Variants in ERC2 observed in about 807,000 individuals in gnomAD.
ERC2 encodes ELKS/RAB6-interacting/CAST family member 2.
A neutral mutation model predicts 114.8 loss-of-function variants in ERC2; 42 were observed. That is an observed-to-expected ratio of 0.37 (90% CI 0.29 to 0.47). The LOEUF (loss-of-function observed/expected upper bound fraction) is 0.47, where lower values mean the gene tolerates loss of function less well. ERC2 is among the 20% of genes least tolerant of loss of function. The pLI, the probability that ERC2 is intolerant of heterozygous loss-of-function variation, is 0.99. For missense variants in ERC2, 939 were observed against 1,150.7 expected (o/e 0.82, Z 2.66); for synonymous variants, 454 against 425.5 (o/e 1.07, Z -0.82).
At chr3:56,084,628 T>G (rs1207563793) in intron 6 of ERC2, among the ~76,000 whole-genome samples, 1 of 152,160 alleles carries the variant, frequency 6.6e-6, no homozygotes, top group Non-Finnish European at 1.5e-5. Flanking sequence ...CTGCATGTTC[T>G]CACTTCTAAG....
chr3:56,154,811 G>A (rs534805218), intron 4 of ERC2, among the ~76,000 whole-genome samples: 8 of 152,090 alleles, frequency 5.3e-5, no homozygotes, highest in Non-Finnish European at 1.2e-4. Flanking sequence ...TGCATACAAA[G>A]TGCCTATCAC....
At chr3:56,465,429 C>T (rs143117654) in intron 1 of ERC2, among the ~76,000 whole-genome samples, 158 of 152,140 alleles carry the variant, frequency 1.0e-3, no homozygotes, top group African/African-American at 3.7e-3. Flanking sequence ...TAAAACAAGA[C>T]GGTCATGCTA....
intron 14 of ERC2, among the ~76,000 whole-genome samples, chr3:55,735,275 T>C (rs2065560452): frequency 6.6e-6 from 1 of 152,244 alleles, no homozygotes; most frequent in African/African-American, 2.4e-5. Context: ...GTCTGTTTTA[T>C]GTTGTTACAA....
chr3:56,302,079 A>G (rs1254453847), intron 2 of ERC2, among the ~76,000 whole-genome samples: 1 of 152,224 alleles, frequency 6.6e-6, no homozygotes, highest in Non-Finnish European at 1.5e-5. Context: ...GAACTCAAAG[A>G]AACCTTAAAG....
In ERC2 at chr3:56,028,100, T is replaced by A. The variant is rs111684694; in HGVS notation, c.1642-9069A>T. Among the ~76,000 whole-genome samples, 915 of 152,248 alleles carry A rather than the reference T, an allele frequency of 6.0e-3. 6 individuals carry two copies. The highest frequency in any genetic ancestry group is 0.021 in the African/African-American group (862 of 41,576). On this transcript the variant is annotated intron_variant, in intron 7 of 17. Coordinates refer to ENST00000288221, the MANE Select transcript of ERC2 (RefSeq NM_015576.3). ...AATGCTTTTGCACTTTTGTAAAAAA[T>A]CACTTAGGCTTATTTGTGTGGCTGT...
intron 7 of ERC2, among the ~76,000 whole-genome samples, chr3:56,066,470 G>A (rs1273015138): frequency 6.6e-6 from 1 of 152,120 alleles, no homozygotes; most frequent in African/African-American, 2.4e-5. Context: ...TGTAAAAGGG[G>A]TGGATTGCAA....
At chr3:55,525,848 T>G (rs780603048) in intron 17 of ERC2, among the ~76,000 whole-genome samples, 3 of 152,206 alleles carry the variant, frequency 2.0e-5, no homozygotes, top group Admixed American at 6.5e-5. Context: ...CTACATAACC[T>G]TTCCTTAAGG....
intron 17 of ERC2, among the ~76,000 whole-genome samples, chr3:55,523,072 G>A (rs2053070457): frequency 6.6e-6 from 1 of 152,210 alleles, no homozygotes; most frequent in African/African-American, 2.4e-5. Context: ...CTGAAGGCTA[G>A]GAAATGCCTT....
chr3:56,449,354 T>C (rs1238471856), intron 1 of ERC2, among the ~76,000 whole-genome samples: 1 of 152,150 alleles, frequency 6.6e-6, no homozygotes, highest in East Asian at 1.9e-4. Flanking sequence ...GGCACCTGCA[T>C]TGGTCCCTTG....
intron 11 of ERC2, among the ~76,000 whole-genome samples, chr3:55,988,554 C>T (rs1243931107): frequency 6.6e-6 from 1 of 152,186 alleles, no homozygotes; most frequent in Non-Finnish European, 1.5e-5. Context: ...CACATACTGC[C>T]TTCTGAGAGA....
At chr3:55,644,177 C>T (rs2060301287) in intron 17 of ERC2, among the ~76,000 whole-genome samples, 1 of 152,110 alleles carries the variant, frequency 6.6e-6, no homozygotes, top group African/African-American at 2.4e-5. Context: ...AGTCCCAGTA[C>T]CTCCCTTTTA....
At chr3:56,383,363 C>T (rs2059822419) in intron 2 of ERC2, among the ~76,000 whole-genome samples, 1 of 152,206 alleles carries the variant, frequency 6.6e-6, no homozygotes, top group Non-Finnish European at 1.5e-5. Context: ...TCCTTCTAAT[C>T]CTGTTTCAGA....
intron 8 of ERC2, among the ~76,000 whole-genome samples, chr3:56,015,551 T>A (rs1158303082): frequency 6.6e-6 from 1 of 152,220 alleles, no homozygotes; most frequent in Non-Finnish European, 1.5e-5. Context: ...TCATTCCTTT[T>A]CATGGCTGCA....
chr3:56,413,186 G>A lies in ERC2; in HGVS notation c.657+21165C>T, dbSNP rs139015474. ...ACTCCAAGCTGCGGACCCGAACAAG[G>A]CAAGCCAGCCCCAAGCCTCCCACTT... is the stretch of plus-strand genomic sequence containing the variant. On this transcript the variant is annotated intron_variant, in intron 2 of 17. Transcript: ENST00000288221. Among the ~76,000 whole-genome samples, 1,108 of 152,314 alleles carry A rather than the reference G, an allele frequency of 7.3e-3. 22 individuals carry two copies. The highest frequency in any genetic ancestry group is 0.026 in the African/African-American group (1,060 of 41,568).
intron 2 of ERC2, among the ~76,000 whole-genome samples, chr3:56,413,945 T>C (rs550147181): frequency 2.6e-4 from 39 of 152,290 alleles, no homozygotes; most frequent in African/African-American, 9.1e-4. Context: ...TCTACCCCAA[T>C]ATAAAAATCC....
intron 17 of ERC2, among the ~76,000 whole-genome samples, chr3:55,649,316 A>C (rs1357050213): frequency 6.9e-6 from 1 of 145,328 alleles, no homozygotes; most frequent in Non-Finnish European, 1.5e-5. Flanking sequence ...GCTGGAGTGC[A>C]GTGGTGCAAT....
intron 14 of ERC2, among the ~76,000 whole-genome samples, chr3:55,762,628 G>A (rs1055573972): frequency 2.0e-5 from 3 of 152,172 alleles, no homozygotes; most frequent in African/African-American, 7.2e-5. Flanking sequence ...TAGAAGAAAC[G>A]AAGGGACCCA....
At chr3:55,878,276 C>A (rs962936128) in intron 14 of ERC2, among the ~76,000 whole-genome samples, 5 of 152,148 alleles carry the variant, frequency 3.3e-5, no homozygotes, top group African/African-American at 1.2e-4. Flanking sequence ...TGACATTTTT[C>A]TCTATTAAAA....
intron 2 of ERC2, among the ~76,000 whole-genome samples, chr3:56,361,433 CAT>C (rs2058954569): frequency 6.6e-6 from 1 of 152,116 alleles, no homozygotes; most frequent in South Asian, 2.1e-4. Flanking sequence ...AATCCAAAAA[CAT>C]ACATAAAGTA....
Sources: gnomAD v4.1 joint callset for allele counts (sites outside exome capture counted in the v4.1 genomes callset) on GRCh38, gnomAD v4.1.1 for gene constraint, MANE v1.5 for transcripts, NCBI Gene and HGNC (gene_info 2026-07-23, HGNC 2026-07-21) for gene names.